Variants in SGO2 observed in about 807,000 individuals in gnomAD.
SGO2 encodes the protein shugoshin 2.
SGO2 carries 68 observed loss-of-function variants against 99.5 expected under a neutral mutation model. The observed-to-expected ratio is 0.68, with a 90% CI of 0.56 to 0.84. The LOEUF is 0.84. Among genes scored for constraint, SGO2 ranks in the 40% least tolerant of loss-of-function variants. The pLI, the probability that SGO2 is intolerant of heterozygous loss-of-function variation, is 0.00. For synonymous variants in SGO2, 457 were observed against 487.1 expected (o/e 0.94, Z 0.81); for missense variants, 1,350 against 1,436.7 (o/e 0.94, Z 0.97).
chr2:200,567,159 G>A (rs551911825), intron 5 of SGO2, among the ~76,000 whole-genome samples: 6 of 152,258 alleles, frequency 3.9e-5, no homozygotes, highest in African/African-American at 9.6e-5. Context: ...CTTCTGCATC[G>A]TTCATGCTGG....
At chr2:200,555,227 T>C (rs1001858733) in intron 5 of SGO2, among the ~76,000 whole-genome samples, 1 of 152,212 alleles carries the variant, frequency 6.6e-6, no homozygotes, top group Non-Finnish European at 1.5e-5. Context: ...ACAAAATGTT[T>C]TATTTAAGCG....
chr2:200,548,604 T>A (rs1017220089), intron 5 of SGO2, among the ~76,000 whole-genome samples: 12 of 151,896 alleles, frequency 7.9e-5, no homozygotes, highest in African/African-American at 2.4e-4. Flanking sequence ...GAAGAAATAA[T>A]AACGATCAGA....
intron 5 of SGO2, among the ~76,000 whole-genome samples, chr2:200,546,404 A>G: frequency 6.6e-6 from 1 of 151,642 alleles, no homozygotes; most frequent in Admixed American, 6.6e-5. Flanking sequence ...GATATATTCA[A>G]TAAAATCCAA....
chr2:200,538,941 G>A (rs1264638363), intron 4 of SGO2, among the ~76,000 whole-genome samples: 3 of 151,308 alleles, frequency 2.0e-5, no homozygotes, highest in African/African-American at 7.3e-5. Context: ...GGACTCTGAG[G>A]TTTTTTTTCT....
chr2:200,553,864 C>T (rs969729882), intron 5 of SGO2, among the ~76,000 whole-genome samples: 7 of 152,062 alleles, frequency 4.6e-5, no homozygotes, highest in African/African-American at 7.2e-5. Context: ...CTGGGCCTGT[C>T]AGAAAATGAC....
intron 5 of SGO2, among the ~76,000 whole-genome samples, chr2:200,560,615 T>C (rs888527870): frequency 7.2e-5 from 11 of 152,130 alleles, no homozygotes; most frequent in African/African-American, 2.7e-4. Flanking sequence ...AAAAAAAAAT[T>C]CCACTTCGTT....
chr2:200,567,394 G>A (rs1470774253), intron 5 of SGO2, among the ~76,000 whole-genome samples: 2 of 152,046 alleles, frequency 1.3e-5, no homozygotes, highest in Non-Finnish European at 2.9e-5. Flanking sequence ...TTTCATTGGT[G>A]TCTATTTTTA....
rs539870758 is a variant in SGO2 at position 200,531,488 on chromosome 2, C to T, written c.-2-1486C>T. Among the ~76,000 whole-genome samples the T allele has an allele frequency of 2.2e-4, 33 of 152,222 alleles. No individual in the cohort carries two copies. The South Asian group carries it at 5.4e-3, about 25-fold the overall frequency. On this transcript the variant is annotated intron_variant, in intron 1 of 8. Coordinates refer to ENST00000357799, the MANE Select transcript of SGO2 (RefSeq NM_152524.6). ...GGGAGGGAAAACAGCACCTGCCTGACAGGACTGCAGGAGAATCTGTGTCCT... is the reference window on the plus strand; with the variant it reads ...GGGAGGGAAAACAGCACCTGCCTGATAGGACTGCAGGAGAATCTGTGTCCT...
intron 5 of SGO2, among the ~76,000 whole-genome samples, chr2:200,562,526 T>C (rs2033012798): frequency 6.6e-6 from 1 of 152,174 alleles, no homozygotes; most frequent in African/African-American, 2.4e-5. Context: ...CTTAGGATTG[T>C]CTTGGCAATG....
intron 5 of SGO2, among the ~76,000 whole-genome samples, chr2:200,561,306 G>C (rs1390062871): frequency 6.6e-6 from 1 of 152,124 alleles, no homozygotes; most frequent in Non-Finnish European, 1.5e-5. Flanking sequence ...TTGGTTTTCT[G>C]TCCTTGCAAT....
chr2:200,539,533 C>CT (rs991521059), intron 4 of SGO2, among the ~76,000 whole-genome samples: 3 of 150,596 alleles, frequency 2.0e-5, no homozygotes, highest in African/African-American at 7.3e-5. Flanking sequence ...GTTCTTTTGC[C>CT]TTTTTGTGGT....
At chr2:200,527,621 C>T (rs765116753) in intron 1 of SGO2, among the ~76,000 whole-genome samples, 1 of 152,176 alleles carries the variant, frequency 6.6e-6, no homozygotes, top group Non-Finnish European at 1.5e-5. Context: ...CAAAGGAGAC[C>T]CATTCCAAGA....
chr2:200,558,908 T>C (rs2106330595), intron 5 of SGO2, among the ~76,000 whole-genome samples: 1 of 152,068 alleles, frequency 6.6e-6, no homozygotes, highest in East Asian at 1.9e-4. Context: ...GTTCAAGTGG[T>C]TCTCCTGTCT....
intron 5 of SGO2, among the ~76,000 whole-genome samples, chr2:200,559,600 T>C (rs777557396): frequency 6.6e-6 from 1 of 152,176 alleles, no homozygotes; most frequent in Non-Finnish European, 1.5e-5. Flanking sequence ...TCCACAATTT[T>C]TATTTGTTTA....
At chr2:200,575,095 G>A (rs2033604349) in intron 7 of SGO2, among the ~76,000 whole-genome samples, 1 of 151,926 alleles carries the variant, frequency 6.6e-6, no homozygotes, top group Admixed American at 6.6e-5. Flanking sequence ...GAAAAGAGTT[G>A]AACTAGGATG....
intron 1 of SGO2, among the ~76,000 whole-genome samples, chr2:200,532,745 C>T (rs930765714): frequency 2.5e-4 from 38 of 152,058 alleles, no homozygotes; most frequent in African/African-American, 8.9e-4. Flanking sequence ...GCACCTGGTA[C>T]ATAGATGATT....
At chr2:200,532,350 G>A in intron 1 of SGO2, 2 of 980,576 alleles carry the variant, frequency 2.0e-6, no homozygotes, top group Non-Finnish European at 2.4e-6. Context: ...ATGGAGGCAT[G>A]GGGAGGTTGG....
chr2:200,568,263 C>A (rs1027120869), intron 5 of SGO2, among the ~76,000 whole-genome samples: 8 of 152,090 alleles, frequency 5.3e-5, no homozygotes. Flanking sequence ...GTATCAAGAT[C>A]ATTCTCTTTT....
chr2:200,571,054 C>T lies in SGO2; in HGVS notation c.708C>T (p.Ser236=). The T allele has an allele frequency of 6.5e-7, 1 of 1,546,986 alleles. No homozygotes were observed. The highest frequency in any genetic ancestry group is 1.2e-5 in the South Asian group (1 of 80,692). Reference sequence around the variant, plus strand: ...TTGTTTTCCTTTTCTTAATAGAAAGCCATTCCCACTCAGACCAAAGTTCTA... The same window carrying T: ...TTGTTTTCCTTTTCTTAATAGAAAGTCATTCCCACTCAGACCAAAGTTCTA... ...SSIVDVPPRE[S]HSHSDQSSKT... The change falls in exon 7 of 9, where the codon AGC becomes AGT. Residue 236 remains serine (S), a synonymous_variant. Coordinates refer to ENST00000357799, the MANE Select transcript of SGO2 (RefSeq NM_152524.6).
Sources: gnomAD v4.1 joint callset for allele counts (sites outside exome capture counted in the v4.1 genomes callset) on GRCh38, gnomAD v4.1.1 for gene constraint, MANE v1.5 for transcripts, NCBI Gene and HGNC (gene_info 2026-07-23, HGNC 2026-07-21) for gene names.